Variants in ABTB3 observed in about 807,000 individuals in gnomAD.
ABTB3 encodes ankyrin repeat and BTB domain containing 3.
the ABTB3 span, chr12:107,319,386 G>T: frequency 3.1e-6 from 5 of 1,587,526 alleles, no homozygotes; most frequent in East Asian, 2.3e-5. Context: ...GAGGCGCAGC[G>T]CCTGAGCCTG....
chr12:107,435,809 A>G, the ABTB3 span, among the ~76,000 whole-genome samples: 2 of 152,236 alleles, frequency 1.3e-5, no homozygotes, highest in East Asian at 1.9e-4. Context: ...TTACAGGACC[A>G]GAGGGCCTAT....
chr12:107,327,799 T>C, the ABTB3 span, among the ~76,000 whole-genome samples: 1 of 152,216 alleles, frequency 6.6e-6, no homozygotes, highest in Non-Finnish European at 1.5e-5. Context: ...ATGTGTCACA[T>C]GAATCCTAAC....
the ABTB3 span, among the ~76,000 whole-genome samples, chr12:107,482,910 C>CT: frequency 1.2e-3 from 156 of 134,230 alleles, 2 homozygotes; most frequent in Non-Finnish European, 1.7e-3. Context: ...CTCTCTCTTT[C>CT]TTCTTCTTTC....
the ABTB3 span, among the ~76,000 whole-genome samples, chr12:107,606,623 A>AAAAAAGT: frequency 6.6e-6 from 1 of 152,230 alleles, no homozygotes; most frequent in East Asian, 1.9e-4. Flanking sequence ...CATGAAGGAT[A>AAAAAAGT]TCAGAAGGAA....
chr12:107,376,378 G>A, the ABTB3 span, among the ~76,000 whole-genome samples: 1 of 152,172 alleles, frequency 6.6e-6, no homozygotes, highest in African/African-American at 2.4e-5. Context: ...ATGGATGAAT[G>A]AATGAATTTG....
At chr12:107,552,860 A>C in the ABTB3 span, among the ~76,000 whole-genome samples, 1 of 152,062 alleles carries the variant, frequency 6.6e-6, no homozygotes, top group East Asian at 1.9e-4. Flanking sequence ...CTTCCCTACC[A>C]CTTCAGATTG....
At chr12:107,564,464 G>A in the ABTB3 span, among the ~76,000 whole-genome samples, 2 of 152,310 alleles carry the variant, frequency 1.3e-5, no homozygotes, top group South Asian at 4.1e-4. Context: ...ATCTCTGTGA[G>A]CTAGGCATGC....
At chr12:107,387,964 T>C in the ABTB3 span, among the ~76,000 whole-genome samples, 1 of 141,160 alleles carries the variant, frequency 7.1e-6, no homozygotes, top group African/African-American at 2.7e-5. Flanking sequence ...CTTCTTCTTC[T>C]TCTTCTTCTT....
the ABTB3 span, among the ~76,000 whole-genome samples, chr12:107,441,774 C>CAA: frequency 4.3e-3 from 345 of 80,036 alleles, 26 homozygotes; most frequent in African/African-American, 0.017. Context: ...CTTGTCTCTA[C>CAA]AAAAAAAAAA....
the ABTB3 span, among the ~76,000 whole-genome samples, chr12:107,328,307 T>C: frequency 6.6e-6 from 1 of 152,240 alleles, no homozygotes; most frequent in Non-Finnish European, 1.5e-5. Context: ...GACTGCCTTA[T>C]AGAATACTTG....
the ABTB3 span, among the ~76,000 whole-genome samples, chr12:107,480,826 G>A: frequency 1.3e-5 from 2 of 152,132 alleles, no homozygotes; most frequent in Admixed American, 6.5e-5. Context: ...AAAACCTCAG[G>A]GGTCACACCC....
At chr12:107,654,815 T>TACACACACACACACAC in the ABTB3 span, among the ~76,000 whole-genome samples, 206 of 141,274 alleles carry the variant, frequency 1.5e-3, 2 homozygotes, top group African/African-American at 5.5e-3. Context: ...CTACATTGTA[T>TACACACACACACACAC]ACACACACAC....
At chr12:107,609,986 A>G in the ABTB3 span, 3 of 607,732 alleles carry the variant, frequency 4.9e-6, no homozygotes, top group African/African-American at 3.7e-5. Context: ...CTATGGGAGC[A>G]CACAGGAGAC....
At chr12:107,655,761 T>C in the ABTB3 span, among the ~76,000 whole-genome samples, 3 of 152,176 alleles carry the variant, frequency 2.0e-5, no homozygotes, top group Non-Finnish European at 4.4e-5. Context: ...CTAGTAAACC[T>C]GTCCCAAACT....
At chr12:107,389,846 T>G in the ABTB3 span, among the ~76,000 whole-genome samples, 3,396 of 141,448 alleles carry the variant, frequency 0.024, 55 homozygotes, top group African/African-American at 0.038. Context: ...GTGTGTGTGT[T>G]TGTGTGTGTG....
At chr12:107,617,547 G>C in the ABTB3 span, 1 of 1,413,664 alleles carries the variant, frequency 7.1e-7, no homozygotes, top group South Asian at 1.4e-5. Flanking sequence ...CCCAGAGGCA[G>C]TGTGAAGTGG....
chr12:107,472,407 C>T, the ABTB3 span, among the ~76,000 whole-genome samples: 1 of 152,282 alleles, frequency 6.6e-6, no homozygotes, highest in East Asian at 1.9e-4. Flanking sequence ...TAAGACAAAG[C>T]TCAACAAGCT....
chr12:107,633,356 A>C, the ABTB3 span, among the ~76,000 whole-genome samples: 3 of 152,288 alleles, frequency 2.0e-5, no homozygotes, highest in African/African-American at 7.2e-5. Context: ...GTGAGAAATA[A>C]ATTTCTGCAC....
At chr12:107,623,365 T>C in the ABTB3 span, among the ~76,000 whole-genome samples, 1 of 134,694 alleles carries the variant, frequency 7.4e-6, no homozygotes, top group African/African-American at 2.8e-5. Context: ...GGCCTTTTTT[T>C]TTTTTTTTTT....
Sources: allele counts gnomAD v4.1 joint callset (sites outside exome capture counted in the v4.1 genomes callset), GRCh38; gene constraint gnomAD v4.1.1; transcripts MANE v1.5; gene names NCBI Gene and HGNC (gene_info 2026-07-23, HGNC 2026-07-21).